The following PTPRR variants were observed in gnomAD, a reference collection of about 807,000 sequenced individuals.
The protein encoded by PTPRR is protein tyrosine phosphatase receptor type R.
PTPRR carries 38 observed loss-of-function variants against 77.2 expected under a neutral mutation model. That is an observed-to-expected ratio of 0.49 (90% CI 0.38 to 0.65). The LOEUF (loss-of-function observed/expected upper bound fraction) is 0.65. Ranked by LOEUF, PTPRR falls within the 30% of genes least tolerant of loss-of-function variation. The pLI is 0.00. For missense variants in PTPRR, 744 were observed against 799.2 expected (o/e 0.93, Z 0.83); for synonymous variants, 299 against 283.1 (o/e 1.06, Z -0.57).
intron 9 of PTPRR, 147 bp from the exon 10 acceptor site, chr12:70,684,411 A>T: frequency 2.3e-6 from 2 of 884,012 alleles, no homozygotes; most frequent in Non-Finnish European, 3.4e-6. Context: ...AACAATTTCC[A>T]TGGGTATTTT....
intron 13 of PTPRR, among the ~76,000 whole-genome samples, chr12:70,648,238 T>A (rs942295530): frequency 3.9e-4 from 60 of 152,058 alleles, no homozygotes; most frequent in South Asian, 6.2e-4. Context: ...GGCTAGATTT[T>A]AAAAAAAAAC....
chr12:70,855,132 T>C (rs1041176754), intron 2 of PTPRR, among the ~76,000 whole-genome samples: 2 of 152,196 alleles, frequency 1.3e-5, no homozygotes. Flanking sequence ...CAGAGAAATG[T>C]GGGCTAGGAG....
intron 6 of PTPRR, among the ~76,000 whole-genome samples, chr12:70,737,733 G>T (rs1287536523): frequency 1.3e-5 from 2 of 152,056 alleles, no homozygotes; most frequent in African/African-American, 4.8e-5. Flanking sequence ...ATGTTGCCCA[G>T]GTTGGTCTCA....
intron 2 of PTPRR, among the ~76,000 whole-genome samples, chr12:70,829,025 T>C (rs1317028665): frequency 1.3e-5 from 2 of 152,166 alleles, no homozygotes; most frequent in South Asian, 2.1e-4. Context: ...TCTAAACCTA[T>C]GAATATAGTC....
intron 13 of PTPRR, among the ~76,000 whole-genome samples, chr12:70,642,881 T>A (rs1886058441): frequency 6.6e-6 from 1 of 152,218 alleles, no homozygotes; most frequent in African/African-American, 2.4e-5. Context: ...CTGGATGCAG[T>A]GGCTCATGCC....
At chr12:70,715,651 A>T (rs1343746452) in intron 6 of PTPRR, among the ~76,000 whole-genome samples, 1 of 152,162 alleles carries the variant, frequency 6.6e-6, no homozygotes, top group African/African-American at 2.4e-5. Context: ...TGAGAAAAAG[A>T]ATTCAGCGAT....
chr12:70,863,203 T>C (rs986751767), intron 2 of PTPRR, among the ~76,000 whole-genome samples: 4 of 152,166 alleles, frequency 2.6e-5, no homozygotes, highest in African/African-American at 9.7e-5. Context: ...AAGACTATAA[T>C]TAAAGTCTCT....
In PTPRR at chr12:70,689,579, C is replaced by T. The variant is rs150498690; in HGVS notation, c.1280-4796G>A. Among the ~76,000 whole-genome samples the T allele has an allele frequency of 3.7e-4, 56 of 152,098 alleles. 1 individual carries two copies. The highest frequency in any genetic ancestry group is 1.3e-3 in the South Asian group (6 of 4,800). The stretch of plus-strand genomic sequence containing the variant: ...TATTCCATTGTTTATACGTATCTTC[C>T]GTCAATCCTATTGATCAAAACTCTT... On this transcript the variant is annotated intron_variant, in intron 8 of 13. Transcript: ENST00000283228.
At position 70,755,715 on chromosome 12, in the gene PTPRR, T is replaced by A. The variant is rs1890546044; in HGVS notation, c.628-1414A>T. Among the ~76,000 whole-genome samples the A allele has an allele frequency of 3.3e-5, 5 of 152,116 alleles. No individual in the cohort carries two copies. The South Asian group carries it at 1.0e-3, about 32-fold the overall frequency. On this transcript the variant is annotated intron_variant, in intron 4 of 13. Transcript: ENST00000283228. ...ACAAGAAATGATTTAGATATGTATT[T>A]TAAAGATATATAAATGATAAATCGA...
intron 6 of PTPRR, among the ~76,000 whole-genome samples, chr12:70,721,520 A>G (rs1277311857): frequency 6.6e-6 from 1 of 152,158 alleles, no homozygotes; most frequent in African/African-American, 2.4e-5. Context: ...AGGAATTATA[A>G]AATATATTTC....
chr12:70,721,253 A>G (rs1889240162), intron 6 of PTPRR, among the ~76,000 whole-genome samples: 5 of 152,240 alleles, frequency 3.3e-5, no homozygotes, highest in South Asian at 4.1e-4. Context: ...CCAAGAGAAC[A>G]GTTTTGATTA....
chr12:70,892,650 C>T (rs547492364), intron 2 of PTPRR, 29 bp downstream of exon 2: 2 of 1,604,588 alleles, frequency 1.2e-6, no homozygotes, highest in Admixed American at 3.4e-5. Context: ...TCAACATCAG[C>T]CTCAGCATCA....
chr12:70,652,893 G>C (rs1886447616), intron 13 of PTPRR, among the ~76,000 whole-genome samples: 1 of 152,214 alleles, frequency 6.6e-6, no homozygotes, highest in Non-Finnish European at 1.5e-5. Flanking sequence ...AAAGTGGGCA[G>C]GGGAGGTGGG....
At chr12:70,875,556 G>A (rs1223156638) in intron 2 of PTPRR, among the ~76,000 whole-genome samples, 2 of 150,666 alleles carry the variant, frequency 1.3e-5, no homozygotes, top group African/African-American at 4.9e-5. Flanking sequence ...TATACATGCA[G>A]AAGTTTATCT....
At chr12:70,906,563 T>C (rs376168077) in intron 1 of PTPRR, among the ~76,000 whole-genome samples, 13 of 152,014 alleles carry the variant, frequency 8.6e-5, no homozygotes, top group African/African-American at 2.9e-4. Context: ...TGATAAACAT[T>C]ACAGCCTTCC....
At chr12:70,919,135 TA>T (rs1893815597) in intron 1 of PTPRR, among the ~76,000 whole-genome samples, 1 of 152,204 alleles carries the variant, frequency 6.6e-6, no homozygotes, top group Admixed American at 6.5e-5. Flanking sequence ...TCACTCCTAC[TA>T]TTGTACACAG....
At chr12:70,783,946 G>GTGACA (rs2137001375) in intron 2 of PTPRR, among the ~76,000 whole-genome samples, 1 of 152,064 alleles carries the variant, frequency 6.6e-6, no homozygotes, top group East Asian at 1.9e-4. Flanking sequence ...GACAGAACCT[G>GTGACA]GGCTCAGCCC....
At chr12:70,899,863 C>T (rs1371698999) in intron 1 of PTPRR, among the ~76,000 whole-genome samples, 2 of 151,180 alleles carry the variant, frequency 1.3e-5, no homozygotes, top group Admixed American at 1.3e-4. Flanking sequence ...AGGCAACCTA[C>T]AAAACTAAAT....
At position 70,903,206 on chromosome 12, in the gene PTPRR, C is replaced by G. The variant is rs540794296; in HGVS notation, c.59-10229G>C. The stretch of plus-strand genomic sequence containing the variant: ...TATTGCACAGCAGGGTGACTATAGT[C>G]AATAATTTATTGTGTATTTCAAAAT... On this transcript the variant is annotated intron_variant, in intron 1 of 13. Coordinates refer to ENST00000283228, the MANE Select transcript of PTPRR (RefSeq NM_002849.4). Among the ~76,000 whole-genome samples, 160 of 151,638 alleles carry G rather than the reference C, an allele frequency of 1.1e-3. 1 individual carries two copies. Among genetic ancestry groups the G allele is most frequent in the African/African-American group, 3.3e-3 (137 of 41,422 alleles).
Sources: gnomAD v4.1 joint callset for allele counts (sites outside exome capture counted in the v4.1 genomes callset) on GRCh38, gnomAD v4.1.1 for gene constraint, MANE v1.5 for transcripts, NCBI Gene and HGNC (gene_info 2026-07-23, HGNC 2026-07-21) for gene names.